Variants in PAXIP1 observed in about 807,000 individuals in gnomAD.
The protein encoded by PAXIP1 is PAX-interacting protein 1.
In PAXIP1, 19 loss-of-function variants were observed where a neutral mutation model predicts 140.6. The observed-to-expected ratio is 0.14, with a 90% CI of 0.09 to 0.20. The LOEUF (loss-of-function observed/expected upper bound fraction) is 0.20. PAXIP1 is among the 10% of genes least tolerant of loss of function. PAXIP1 has a pLI of 1.00. For missense variants in PAXIP1, 920 were observed against 1,208.6 expected, an observed-to-expected ratio of 0.76 and a Z score of 3.54; for synonymous variants, 442 against 444.6, an observed-to-expected ratio of 0.99 and a Z score of 0.07.
At position 154,991,069 on chromosome 7, in the gene PAXIP1, T is replaced by G; in HGVS notation, c.261A>C (p.Pro87=). Residue 87 remains proline (P), a splice_region_variant and synonymous_variant, in exon 4 of 21, where the codon CCA becomes CCC. Coordinates refer to ENST00000404141, the MANE Select transcript of PAXIP1 (RefSeq NM_007349.4). The part of the protein sequence containing the change: ...ILSVQCGTLL[P]VNGFSPESCQ... ...ATGATTCTGGAGAAAAACCATTTAC[T>G]CTGTTTTATAGTTATTAAGATTACA... 1 of 1,499,794 alleles carries G rather than the reference T, an allele frequency of 6.7e-7. No homozygotes were observed. Among genetic ancestry groups the G allele is most frequent in the African/African-American group, 1.4e-5 (1 of 71,574 alleles). 92.9% of individuals were successfully genotyped at this position (1,499,794 alleles called of 1,614,324 possible).
intron 10 of PAXIP1, 63 bp downstream of exon 10, chr7:154,962,258 A>G (rs751436226): frequency 6.4e-7 from 1 of 1,570,664 alleles, no homozygotes; most frequent in Non-Finnish European, 8.7e-7. Context: ...AAGCACTAGC[A>G]AGTGATTATT....
chr7:154,989,312 A>C (rs943882686), intron 4 of PAXIP1, among the ~76,000 whole-genome samples: 27 of 152,184 alleles, frequency 1.8e-4, no homozygotes, highest in Non-Finnish European at 5.9e-5. Flanking sequence ...TAAACCAAAT[A>C]CTACCCAGCT....
chr7:154,986,264 G>A lies in PAXIP1; in HGVS notation c.325-2932C>T, dbSNP rs1201111738. The A allele has an allele frequency of 8.6e-6, 8 of 935,348 alleles. No individual in the cohort carries two copies. In the African/African-American group the frequency reaches 1.4e-4, roughly 16 times the overall value. 57.9% of individuals were successfully genotyped at this position (935,348 alleles called of 1,614,324 possible). On this transcript the variant is annotated intron_variant, in intron 4 of 20. Transcript: ENST00000404141. This position sits in a 1 kb window ranked among gnomAD's most constrained non-coding sequence, Gnocchi z 4.8. Reference sequence around the variant, plus strand: ...CTGGGGTCCTGCCTGGCGTGTGCATGTGAGTGTGTGTGCGCATGGGTGCTC... The same window carrying A: ...CTGGGGTCCTGCCTGGCGTGTGCATATGAGTGTGTGTGCGCATGGGTGCTC...
intron 14 of PAXIP1, 60 bp from the exon 15 acceptor site, chr7:154,955,691 T>C: frequency 1.0e-6 from 1 of 984,028 alleles, no homozygotes; most frequent in Non-Finnish European, 1.5e-6. Flanking sequence ...ATGAAAATTT[T>C]CTTTAGAAAA....
intron 3 of PAXIP1, among the ~76,000 whole-genome samples, chr7:154,992,306 T>G (rs1282158874): frequency 6.6e-6 from 1 of 152,140 alleles, no homozygotes; most frequent in Admixed American, 6.6e-5. Context: ...CCCAGCACTT[T>G]GGGAGGCCGA....
intron 4 of PAXIP1, among the ~76,000 whole-genome samples, chr7:154,988,449 A>G (rs1323798859): frequency 2.6e-5 from 4 of 152,248 alleles, no homozygotes; most frequent in Admixed American, 1.3e-4. Context: ...CATGTATAAT[A>G]TAACAATTTG....
At chr7:155,001,680 T>G (rs1051468243) in intron 1 of PAXIP1, 2 of 152,174 alleles carry the variant, frequency 1.3e-5, no homozygotes, top group African/African-American at 2.4e-5. Flanking sequence ...GTATTTTTAG[T>G]AGAGATGAGG....
chr7:154,968,970 GCTGCTGCTGGGC>G lies in PAXIP1; in HGVS notation c.1219_1230del (p.Ala407_Gln410del), dbSNP rs1395043154. The stretch of plus-strand genomic sequence containing the variant: ...AGGTGTAAAACCGGGTGCTGCTGCT[GCTGCTGCTGGGC>G]CTGCTGCTGCTGCTGTAGCATGTGT... On this transcript the variant is annotated inframe_deletion, in exon 7 of 21. Coordinates refer to ENST00000404141, the MANE Select transcript of PAXIP1 (RefSeq NM_007349.4). 1.6e-5 allele frequency: 24 copies of G among 1,544,196 alleles called. No individual in the cohort carries two copies. The highest frequency in any genetic ancestry group is 2.4e-5 in the South Asian group (2 of 83,424).
At position 154,946,680 on chromosome 7, in the gene PAXIP1, G is replaced by A. The variant is rs772405233; in HGVS notation, c.3056C>T (p.Ser1019Leu). The change falls in exon 18 of 21, where the codon TCG (serine) becomes TTG (leucine). Residue 1019 changes from serine to leucine, a missense_variant and splice_region_variant. By Grantham distance (145) the Ser-to-Leu change is moderately radical. Transcript: ENST00000404141. The surrounding 1 kb of genome is among the most constrained non-coding windows in gnomAD (Gnocchi z 4.9). ...FRKLMEHKQN[S>L]SLSEIILISC... is the part of the protein sequence containing the mutation. ...GCTGGCGGACTCCACTCTACCCACCGAGTTCTGCTTGTGCTCCATGAGCTT... is the reference window on the plus strand; with the variant it reads ...GCTGGCGGACTCCACTCTACCCACCAAGTTCTGCTTGTGCTCCATGAGCTT... The A allele has an allele frequency of 5.6e-6, 9 of 1,613,758 alleles. No individual in the cohort carries two copies. Among genetic ancestry groups the A allele is most frequent in the East Asian group, 2.2e-5 (1 of 44,856 alleles).
chr7:154,985,407 C>T (rs1810024244), intron 4 of PAXIP1, among the ~76,000 whole-genome samples: 1 of 152,084 alleles, frequency 6.6e-6, no homozygotes, highest in Non-Finnish European at 1.5e-5. Flanking sequence ...TGCTCCTAAC[C>T]ACCTCCTCCT....
intron 1 of PAXIP1, 30 bp downstream of exon 1, chr7:155,002,816 GGGA>G (rs1219221969): frequency 9.4e-6 from 12 of 1,278,342 alleles, no homozygotes; most frequent in Non-Finnish European, 1.3e-5. Flanking sequence ...ACGCGGACGG[GGGA>G]GGAGGCCGCG....
At chr7:154,995,791 G>A (rs138923915) in intron 2 of PAXIP1, among the ~76,000 whole-genome samples, 1 of 152,258 alleles carries the variant, frequency 6.6e-6, no homozygotes, top group East Asian at 1.9e-4. Flanking sequence ...AGAGGGTGCA[G>A]TGAGTCGAGA....
intron 2 of PAXIP1, among the ~76,000 whole-genome samples, chr7:154,995,229 G>T (rs962986320): frequency 6.6e-6 from 1 of 152,210 alleles, no homozygotes; most frequent in Non-Finnish European, 1.5e-5. Flanking sequence ...TGTAAAGTGG[G>T]AGGGGCCACT....
intron 16 of PAXIP1, chr7:154,950,341 C>G (rs1362592933): frequency 6.6e-6 from 1 of 152,072 alleles, no homozygotes; most frequent in Non-Finnish European, 1.5e-5. Context: ...TAGAAGATAA[C>G]ACAGGAGAGA....
Position 154,998,738 on chromosome 7 carries a change from T to C in PAXIP1, c.128A>G (p.Asn43Ser), listed in dbSNP as rs1810753849. 6 of 1,613,416 alleles carry C rather than the reference T, an allele frequency of 3.7e-6. No homozygotes were observed. The highest frequency in any genetic ancestry group is 2.2e-5 in the East Asian group (1 of 44,876). ...TGAGATTATGTGTGAGGCTAGTGCA[T>C]TGTAGGAAACTTCCTTCGCTTTTCC... ...KAGKAKEVSYNALASHIISED... is the reference protein window; with the variant it reads ...KAGKAKEVSYSALASHIISED... The change falls in exon 2 of 21, where the codon AAT (asparagine) becomes AGT (serine). Residue 43 changes from asparagine to serine, a missense_variant. Physicochemically the swap from Asn to Ser is conservative, Grantham distance 46 (BLOSUM62 1). This residue lies in a region of PAXIP1 where 419 missense variants were observed against 514.7 expected (regional missense o/e 0.81). Transcript: ENST00000404141.
chr7:154,960,861 G>GT (rs774180618), intron 12 of PAXIP1, 32 bp downstream of exon 12: 25 of 1,439,616 alleles, frequency 1.7e-5, no homozygotes, highest in Non-Finnish European at 1.9e-6. Context: ...TTTTATTTAA[G>GT]TAAGATTTGC....
At chr7:154,993,153 T>C (rs1285599898) in intron 3 of PAXIP1, among the ~76,000 whole-genome samples, 1 of 152,156 alleles carries the variant, frequency 6.6e-6, no homozygotes, top group Non-Finnish European at 1.5e-5. Context: ...GAACGCCTCA[T>C]TTCTGACTCC....
chr7:154,994,975 C>CATCAGGA (rs1810506333), intron 2 of PAXIP1, among the ~76,000 whole-genome samples: 1 of 152,186 alleles, frequency 6.6e-6, no homozygotes. Flanking sequence ...AATGGGCCAG[C>CATCAGGA]ATCAGGAATC....
intron 2 of PAXIP1, among the ~76,000 whole-genome samples, chr7:154,997,155 G>T (rs1286548008): frequency 6.6e-6 from 1 of 152,178 alleles, no homozygotes; most frequent in East Asian, 1.9e-4. Context: ...CCGACCCTGG[G>T]TACCAGGGAG....
Sources: allele counts gnomAD v4.1 joint callset (sites outside exome capture counted in the v4.1 genomes callset), GRCh38; gene constraint gnomAD v4.1.1; regional missense constraint gnomAD v4.1.1; non-coding constraint Gnocchi (gnomAD v3.1); transcripts MANE v1.5; gene names NCBI Gene and HGNC (gene_info 2026-07-23, HGNC 2026-07-21).